Variants in VPS13B observed in about 807,000 individuals in gnomAD.
VPS13B encodes the protein vacuolar protein sorting 13 homolog B.
VPS13B carries 285 observed loss-of-function variants against 426.4 expected under a neutral mutation model. That is an observed-to-expected ratio of 0.67 (90% CI 0.61 to 0.74). The LOEUF is 0.74. Ranked by LOEUF, VPS13B falls within the 30% of genes least tolerant of loss-of-function variation. The pLI is 0.00. For missense variants in VPS13B, 4,537 were observed against 4,782.6 expected (o/e 0.95, Z 1.51); for synonymous variants, 1,676 against 1,676.4 (o/e 1.00, Z 0.01).
In VPS13B at chr8:99,442,617, C is replaced by G; in HGVS notation, c.3427C>G (p.Arg1143Gly). Residue 1143 changes from arginine (R) to glycine (G), a missense_variant, in exon 23 of 62, where the codon CGA (arginine) becomes GGA (glycine). This residue lies in a region of VPS13B where 4,311 missense variants were observed against 4,474.3 expected (regional missense o/e 0.96). Coordinates refer to ENST00000357162, the MANE Select transcript of VPS13B (RefSeq NM_152564.5). Reference protein sequence around the residue: ...PLQEIPFVIPRPILEEGDAFP... With the variant: ...PLQEIPFVIPGPILEEGDAFP... ...GCAGGAGATTCCATTTGTTATCCCA[C>G]GACCCATCCTTGAAGAAGGTATATG... 1.9e-6 allele frequency: 3 copies of G among 1,613,798 alleles called. No homozygotes were observed. Among genetic ancestry groups the G allele is most frequent in the Non-Finnish European group, 2.5e-6 (3 of 1,179,800 alleles).
intron 29 of VPS13B, among the ~76,000 whole-genome samples, chr8:99,520,389 TTGTGTGTGTGTGTGTGTGTG>T (rs140216567): frequency 1.4e-5 from 2 of 138,570 alleles, no homozygotes; most frequent in South Asian, 4.8e-4. Flanking sequence ...GTGATATACT[TTGTGTGTGTGTGTGTGTGTG>T]TGTGTGTGTG....
At chr8:99,015,767 G>A (rs1841581283) in intron 2 of VPS13B, among the ~76,000 whole-genome samples, 1 of 151,952 alleles carries the variant, frequency 6.6e-6, no homozygotes, top group Admixed American at 6.5e-5. Flanking sequence ...GCTGGGCTTG[G>A]TGGCATGTGC....
At chr8:99,622,641 A>T (rs1020813086) in intron 33 of VPS13B, among the ~76,000 whole-genome samples, 1 of 152,238 alleles carries the variant, frequency 6.6e-6, no homozygotes, top group African/African-American at 2.4e-5. Flanking sequence ...TGCAAAGATT[A>T]TGGCAGTTCA....
chr8:99,520,814 T>A, intron 29 of VPS13B, 85 bp from the exon 30 acceptor site: 1 of 1,032,184 alleles, frequency 9.7e-7, no homozygotes. Context: ...TGTGTCTCTA[T>A]TCCATTCCCT....
intron 3 of VPS13B, among the ~76,000 whole-genome samples, chr8:99,073,414 C>T (rs189868619): frequency 1.3e-5 from 2 of 152,076 alleles, no homozygotes; most frequent in Admixed American, 6.5e-5. Flanking sequence ...ATGAGTGTTT[C>T]GTAGTTTTTA....
intron 40 of VPS13B, among the ~76,000 whole-genome samples, chr8:99,773,956 T>C (rs1261594836): frequency 6.6e-6 from 1 of 152,216 alleles, no homozygotes. Flanking sequence ...ATTAGGGAAA[T>C]TATACAAATG....
In VPS13B at chr8:99,135,706, A is replaced by G. The variant is rs145969836; in HGVS notation, c.1536A>G (p.Glu512=). Residue 512 remains glutamate (E), a synonymous_variant, in exon 11 of 62, where the codon GAA becomes GAG. Transcript: ENST00000357162. ...CAGAAAATAATGGTACTCGCGCAGA[A>G]TTTATCTTGGATTCAACTCATCATA... ...RSPENNGTRA[E]FILDSTHHKE... 1.1e-3 allele frequency: 1,804 copies of G among 1,613,366 alleles called. 12 individuals are homozygous for G. The African/African-American group carries it at 0.021, about 19-fold the overall frequency.
At chr8:99,784,567 T>G in intron 43 of VPS13B, 91 bp downstream of exon 43, 1 of 1,558,854 alleles carries the variant, frequency 6.4e-7, no homozygotes, top group South Asian at 1.1e-5. Flanking sequence ...ATTTCCCTTT[T>G]TAAGTCTCCG....
chr8:99,855,648 T>C (rs971436937), intron 56 of VPS13B, among the ~76,000 whole-genome samples: 1 of 152,216 alleles, frequency 6.6e-6, no homozygotes, highest in Admixed American at 6.5e-5. Flanking sequence ...TGTGAATGCG[T>C]TCCCATGTAA....
At chr8:99,189,091 G>A (rs1813396938) in intron 16 of VPS13B, among the ~76,000 whole-genome samples, 1 of 151,894 alleles carries the variant, frequency 6.6e-6, no homozygotes, top group African/African-American at 2.4e-5. Flanking sequence ...AGTAGAGAGG[G>A]GGTTTCATCA....
chr8:99,117,193 C>G (rs1563549962), intron 7 of VPS13B, among the ~76,000 whole-genome samples: 1 of 152,064 alleles, frequency 6.6e-6, no homozygotes, highest in Non-Finnish European at 1.5e-5. Context: ...AGAGACATTT[C>G]TCCAAAGAAG....
chr8:99,147,724 T>A, intron 13 of VPS13B, 117 bp from the exon 14 acceptor site: 2 of 580,896 alleles, frequency 3.4e-6, no homozygotes, highest in Non-Finnish European at 5.0e-6. Context: ...CCTGCTTCAT[T>A]GTTGAAAAGA....
chr8:99,875,351 G>T (rs1432761432), intron 61 of VPS13B, 67 bp from the exon 62 acceptor site: 1 of 1,608,512 alleles, frequency 6.2e-7, no homozygotes, highest in East Asian at 2.2e-5. Flanking sequence ...CGAGGCAAAA[G>T]AACTAATTTT....
intron 21 of VPS13B, among the ~76,000 whole-genome samples, chr8:99,427,231 C>T (rs1417296262): frequency 6.8e-5 from 6 of 88,706 alleles, no homozygotes; most frequent in South Asian, 4.7e-4. Flanking sequence ...TGTAGGTATG[C>T]GGCATTATTT....
chr8:99,124,002 A>G (rs1024106403), intron 8 of VPS13B, among the ~76,000 whole-genome samples: 9 of 152,204 alleles, frequency 5.9e-5, no homozygotes, highest in Non-Finnish European at 1.3e-4. Flanking sequence ...TGATCATATT[A>G]AGACTGAAAT....
At chr8:99,691,634 C>T (rs1475780535) in intron 35 of VPS13B, among the ~76,000 whole-genome samples, 1 of 150,702 alleles carries the variant, frequency 6.6e-6, no homozygotes, top group Non-Finnish European at 1.5e-5. Flanking sequence ...ACTGCATCAA[C>T]TAACGAGCAA....
chr8:99,705,508 A>AT (rs1356371134), intron 36 of VPS13B, among the ~76,000 whole-genome samples: 2 of 152,022 alleles, frequency 1.3e-5, no homozygotes, highest in African/African-American at 4.8e-5. Context: ...CTTAGAAAAG[A>AT]TTTTTTTGAC....
intron 33 of VPS13B, among the ~76,000 whole-genome samples, chr8:99,603,221 C>T (rs765294535): frequency 3.3e-5 from 5 of 152,012 alleles, no homozygotes; most frequent in South Asian, 2.1e-4. Context: ...CTAACATAAC[C>T]GAAAGTAAGA....
intron 19 of VPS13B, among the ~76,000 whole-genome samples, chr8:99,310,432 C>T (rs1476324673): frequency 6.6e-6 from 1 of 152,126 alleles, no homozygotes; most frequent in Non-Finnish European, 1.5e-5. Context: ...TTTTCTGCAT[C>T]TATTGAGATA....
Sources: gnomAD v4.1 joint callset for allele counts (sites outside exome capture counted in the v4.1 genomes callset) on GRCh38, gnomAD v4.1.1 for gene constraint, gnomAD v4.1.1 regional missense constraint, MANE v1.5 for transcripts, NCBI Gene and HGNC (gene_info 2026-07-23, HGNC 2026-07-21) for gene names.